The following DTD1 variants were observed in gnomAD, a reference collection of about 807,000 sequenced individuals.
The protein encoded by DTD1 is D-tyrosyl-tRNA deacylase 1 homolog.
DTD1 carries 13 observed loss-of-function variants against 25.6 expected under a neutral mutation model. The observed-to-expected ratio is 0.51, with a 90% CI of 0.33 to 0.81. The LOEUF (loss-of-function observed/expected upper bound fraction) is 0.81, where lower values mean the gene tolerates loss of function less well. DTD1 is among the 30% of genes least tolerant of loss of function. The pLI, the probability that DTD1 is intolerant of heterozygous loss-of-function variation, is 0.02. For missense variants in DTD1, 193 were observed against 266.4 expected, an observed-to-expected ratio of 0.72 and a Z score of 1.92; for synonymous variants, 110 against 103.6, an observed-to-expected ratio of 1.06 and a Z score of -0.37.
rs191403557 is a variant in DTD1, at chr20:18,731,022, C to T, written c.478-13078C>T. Among the ~76,000 whole-genome samples the T allele has an allele frequency of 1.1e-3, 161 of 152,304 alleles. 1 individual carries two copies. Among genetic ancestry groups the T allele is most frequent in the African/African-American group, 3.4e-3 (142 of 41,572 alleles). On this transcript the variant is annotated intron_variant, in intron 4 of 5. Coordinates refer to ENST00000377452, the MANE Select transcript of DTD1 (RefSeq NM_080820.6). ...AACATATAGTTTGTCAGTGTCTTAG[C>T]GTCCTGCCTGTCCACTTGCATTTAG...
Position 18,618,712 on chromosome 20 carries a change from C to CACACAT in DTD1, c.371-9414_371-9413insCACATA, listed in dbSNP as rs555385345. Reference sequence around the variant, plus strand: ...ACACACACACACACACACACACACACATATAATTTTTTTTTTTGAGATGGA... The same window carrying CACACAT: ...ACACACACACACACACACACACACACACACATATATAATTTTTTTTTTTGAGATGGA... On this transcript the variant is annotated intron_variant, in intron 3 of 5. Transcript: ENST00000377452. Among the ~76,000 whole-genome samples the CACACAT allele has an allele frequency of 2.8e-3, 384 of 138,740 alleles. 2 individuals are homozygous for CACACAT. The highest frequency in any genetic ancestry group is 5.2e-3 in the African/African-American group (195 of 37,528). The allele number at this position is 138,740 out of a possible 152,430, so 91.0% of individuals were successfully genotyped here.
intron 3 of DTD1, among the ~76,000 whole-genome samples, chr20:18,612,456 C>T (rs1363393060): frequency 6.6e-6 from 1 of 152,072 alleles, no homozygotes; most frequent in East Asian, 1.9e-4. Flanking sequence ...TGAATACTCA[C>T]AACAATTCTA....
Position 18,672,299 on chromosome 20 carries a change from A to G in DTD1, c.477+44066A>G, listed in dbSNP as rs34409108. Among the ~76,000 whole-genome samples the G allele has an allele frequency of 8.1e-3, 1,239 of 152,174 alleles. 13 individuals carry two copies. The highest frequency in any genetic ancestry group is 0.036 in the South Asian group (175 of 4,824). ...ACAAAGAAAATTAAAAAAAAAATCA[A>G]CCTGTTTAGAGATAGCTTATGAACC... On this transcript the variant is annotated intron_variant, in intron 4 of 5. Transcript: ENST00000377452.
intron 4 of DTD1, among the ~76,000 whole-genome samples, chr20:18,708,240 A>AG (rs1568676680): frequency 5.2e-4 from 1 of 1,924 alleles, no homozygotes; most frequent in Admixed American, 9.6e-3. Context: ...TTTTATATAT[A>AG]TATAATATAT....
chr20:18,659,340 G>T (rs190216680), intron 4 of DTD1, among the ~76,000 whole-genome samples: 1 of 152,102 alleles, frequency 6.6e-6, no homozygotes, highest in Non-Finnish European at 1.5e-5. Flanking sequence ...TGTGGAAGGG[G>T]ACTCTCCCAT....
rs2061376337 is a variant in DTD1 at position 18,765,460 on chromosome 20, C to T, written c.*2120C>T. On this transcript the variant is annotated 3_prime_UTR_variant, in exon 6 of 6. Transcript: ENST00000377452. Reference sequence around the variant, plus strand: ...GGAACATGGTAAAAGAAAGCATTTACTACTTTTGTAAACATTTTGGATTGA... The same window carrying T: ...GGAACATGGTAAAAGAAAGCATTTATTACTTTTGTAAACATTTTGGATTGA... 1 of 152,196 alleles carries T rather than the reference C, an allele frequency of 6.6e-6. No individual in the cohort carries two copies. The highest frequency in any genetic ancestry group is 2.1e-4 in the South Asian group (1 of 4,826). The allele number at this position is 152,196 out of a possible 1,614,324, so 9.4% of individuals were successfully genotyped here.
At chr20:18,713,587 G>T (rs1050309506) in intron 4 of DTD1, among the ~76,000 whole-genome samples, 1 of 152,162 alleles carries the variant, frequency 6.6e-6, no homozygotes, top group Non-Finnish European at 1.5e-5. Flanking sequence ...CTTAGCCTGG[G>T]TTCACGTCCC....
chr20:18,688,555 G>A (rs956695071), intron 4 of DTD1, among the ~76,000 whole-genome samples: 3 of 151,996 alleles, frequency 2.0e-5, no homozygotes, highest in Non-Finnish European at 2.9e-5. Flanking sequence ...GTGACCCTGC[G>A]GCTTTCCTAC....
intron 3 of DTD1, among the ~76,000 whole-genome samples, chr20:18,598,607 C>T (rs545911540): frequency 9.2e-5 from 14 of 152,100 alleles, no homozygotes; most frequent in African/African-American, 3.4e-4. Flanking sequence ...ATGCCATTCT[C>T]CTGCCTCAGC....
chr20:18,678,459 T>TA (rs2060984449), intron 4 of DTD1, among the ~76,000 whole-genome samples: 2 of 152,236 alleles, frequency 1.3e-5, no homozygotes, highest in Admixed American at 6.5e-5. Context: ...GGACATGTAG[T>TA]ATCTCTTGAG....
chr20:18,735,265 A>G (rs746365598), intron 4 of DTD1, among the ~76,000 whole-genome samples: 13 of 152,258 alleles, frequency 8.5e-5, no homozygotes, highest in Non-Finnish European at 1.8e-4. Context: ...GATAATAACT[A>G]GCATTAAAGT....
chr20:18,669,584 C>T (rs1437278681), intron 4 of DTD1, among the ~76,000 whole-genome samples: 10 of 152,216 alleles, frequency 6.6e-5, no homozygotes, highest in East Asian at 1.9e-4. Flanking sequence ...ATGAAAACAA[C>T]GAGTGACCAC....
chr20:18,762,493 T>A (rs1293588441), intron 5 of DTD1, among the ~76,000 whole-genome samples: 2 of 152,168 alleles, frequency 1.3e-5, no homozygotes, highest in East Asian at 3.9e-4. Flanking sequence ...AAGCATTTAG[T>A]TTATTCCCTC....
intron 4 of DTD1, among the ~76,000 whole-genome samples, chr20:18,649,069 T>C (rs2060862656): frequency 6.6e-6 from 1 of 151,514 alleles, no homozygotes; most frequent in Admixed American, 6.6e-5. Context: ...GTTTGTATTT[T>C]GTAGCTCCTA....
At chr20:18,617,388 A>T (rs1175380398) in intron 3 of DTD1, among the ~76,000 whole-genome samples, 1 of 150,068 alleles carries the variant, frequency 6.7e-6, no homozygotes, top group African/African-American at 2.4e-5. Flanking sequence ...ATGTATATAC[A>T]TATACACACA....
intron 4 of DTD1, among the ~76,000 whole-genome samples, chr20:18,705,825 T>A (rs2061124430): frequency 6.6e-6 from 1 of 152,238 alleles, no homozygotes; most frequent in Non-Finnish European, 1.5e-5. Context: ...GACTTTGCTC[T>A]TGTAGCCCAA....
chr20:18,621,918 G>A (rs1376677962), intron 3 of DTD1, among the ~76,000 whole-genome samples: 1 of 152,112 alleles, frequency 6.6e-6, no homozygotes, highest in Non-Finnish European at 1.5e-5. Context: ...CAAAAAATTA[G>A]CCGGGCATGG....
chr20:18,657,476 A>C (rs1366994476), intron 4 of DTD1, among the ~76,000 whole-genome samples: 1 of 152,222 alleles, frequency 6.6e-6, no homozygotes, highest in Non-Finnish European at 1.5e-5. Context: ...TCTCTTGGCC[A>C]GAGATAGCAC....
chr20:18,611,714 G>T (rs1489438385), intron 3 of DTD1, among the ~76,000 whole-genome samples: 1 of 152,114 alleles, frequency 6.6e-6, no homozygotes, highest in Non-Finnish European at 1.5e-5. Flanking sequence ...CCCACAGCAG[G>T]CCGGCTCTCT....
Sources: allele counts gnomAD v4.1 joint callset (sites outside exome capture counted in the v4.1 genomes callset), GRCh38; gene constraint gnomAD v4.1.1; transcripts MANE v1.5; gene names NCBI Gene and HGNC (gene_info 2026-07-23, HGNC 2026-07-21).